RARB: variants seen among roughly 807,000 people sequenced by gnomAD.
RARB encodes retinoic acid receptor beta, also known as HBV-activated protein.
RARB carries 17 observed loss-of-function variants against 51.9 expected under a neutral mutation model. That is an observed-to-expected ratio of 0.33 (90% CI 0.22 to 0.49). The LOEUF is 0.49. RARB is among the 20% of genes least tolerant of loss of function. The pLI is 0.99. For synonymous variants in RARB, 215 were observed against 195.4 expected (o/e 1.10, Z -0.84); for missense variants, 369 against 550.8 (o/e 0.67, Z 3.30).
At chr3:25,150,333 G>A (rs1194636360) in intron 4 of RARB, among the ~76,000 whole-genome samples, 1 of 152,192 alleles carries the variant, frequency 6.6e-6, no homozygotes, top group African/African-American at 2.4e-5. Context: ...GAAGGGACAG[G>A]ATTCCCAAGG....
At chr3:25,181,381 A>T (rs1700856898) in intron 5 of RARB, among the ~76,000 whole-genome samples, 2 of 152,170 alleles carry the variant, frequency 1.3e-5, no homozygotes, top group Non-Finnish European at 1.5e-5. Flanking sequence ...CTGGTGATCT[A>T]ACACATGGGA....
intron 2 of RARB, among the ~76,000 whole-genome samples, chr3:24,872,332 C>T (rs1702962971): frequency 6.6e-6 from 1 of 152,180 alleles, no homozygotes; most frequent in South Asian, 2.1e-4. Context: ...ATGTTCTTAC[C>T]TAATCCACTT....
intron 2 of RARB, among the ~76,000 whole-genome samples, chr3:24,990,926 T>G (rs1367827388): frequency 2.0e-5 from 3 of 152,244 alleles, no homozygotes; most frequent in African/African-American, 7.2e-5. Context: ...ATAAAGGTCT[T>G]GGACATTTTT....
chr3:25,462,134 C>T (rs1462520507), intron 2 of RARB, among the ~76,000 whole-genome samples: 2 of 152,152 alleles, frequency 1.3e-5, no homozygotes, highest in South Asian at 2.1e-4. Flanking sequence ...TAGGGACTTG[C>T]TACTGTATGT....
chr3:25,252,473 A>G (rs2125402560), intron 5 of RARB, among the ~76,000 whole-genome samples: 1 of 152,328 alleles, frequency 6.6e-6, no homozygotes, highest in South Asian at 2.1e-4. Flanking sequence ...CTTCCAGTCC[A>G]TGAACATGGT....
chr3:24,910,277 C>T (rs112573572), intron 2 of RARB, among the ~76,000 whole-genome samples: 5 of 152,104 alleles, frequency 3.3e-5, no homozygotes, highest in South Asian at 2.1e-4. Flanking sequence ...TTTGCCTTTC[C>T]ACCATCCCTT....
Position 25,593,742 on chromosome 3 carries a change from A to C in RARB, c.991+35A>C, listed in dbSNP as rs373844163. ...ATGTAGAAAAGCCTCATGAAATTCC[A>C]TGAAGAACAGTTTATACTTGTAATT... is the stretch of plus-strand genomic sequence containing the variant. On this transcript the variant is annotated intron_variant, in intron 6 of 7. Coordinates refer to ENST00000330688, the MANE Select transcript of RARB (RefSeq NM_000965.5). The C allele has an allele frequency of 3.8e-6, 6 of 1,589,002 alleles. No individual in the cohort carries two copies. In the South Asian group the frequency reaches 4.4e-5, roughly 12 times the overall value.
chr3:24,914,146 C>T (rs1018181580), intron 2 of RARB, among the ~76,000 whole-genome samples: 2 of 152,116 alleles, frequency 1.3e-5, no homozygotes, highest in Non-Finnish European at 2.9e-5. Context: ...ACCATTCCAC[C>T]TTCTATATGC....
Position 25,470,975 on chromosome 3 carries a change from A to G in RARB, c.306+9634A>G, listed in dbSNP as rs564995841. ...ACGTTAATGTATATATGCTTTTATC[A>G]TAAGTTATATCTAATTATACAGTAA... On this transcript the variant is annotated intron_variant, in intron 2 of 7. Transcript: ENST00000330688. Among the ~76,000 whole-genome samples the G allele has an allele frequency of 2.6e-5, 4 of 152,322 alleles. No individual in the cohort carries two copies. The East Asian group carries it at 5.8e-4, about 22-fold the overall frequency.
chr3:25,571,253 A>G (rs1700699552), intron 4 of RARB, among the ~76,000 whole-genome samples: 1 of 152,232 alleles, frequency 6.6e-6, no homozygotes, highest in African/African-American at 2.4e-5. Flanking sequence ...GTACTTTTCA[A>G]AACTCAGCGT....
chr3:25,470,146 TA>T (rs1353011754), intron 2 of RARB, among the ~76,000 whole-genome samples: 1 of 152,126 alleles, frequency 6.6e-6, no homozygotes, highest in Non-Finnish European at 1.5e-5. Flanking sequence ...CTGGTTTGTT[TA>T]AAAATTAGCT....
intron 3 of RARB, among the ~76,000 whole-genome samples, chr3:25,114,008 A>G (rs907682870): frequency 1.3e-5 from 2 of 152,176 alleles, no homozygotes; most frequent in Non-Finnish European, 2.9e-5. Context: ...AGTTTGAGAG[A>G]TTTAAAGATG....
intron 2 of RARB, among the ~76,000 whole-genome samples, chr3:25,483,525 T>G (rs1401777964): frequency 1.6e-5 from 2 of 128,988 alleles, no homozygotes; most frequent in Non-Finnish European, 3.1e-5. Flanking sequence ...ATCATATTTC[T>G]TCTTTTTTTT....
intron 5 of RARB, among the ~76,000 whole-genome samples, chr3:25,269,923 C>G (rs142142144): frequency 4.6e-5 from 7 of 152,150 alleles, no homozygotes; most frequent in African/African-American, 1.4e-4. Flanking sequence ...GCATCACTAA[C>G]AATTAGGGAA....
intron 4 of RARB, among the ~76,000 whole-genome samples, chr3:25,574,619 T>TG (rs377461959): frequency 1.1e-3 from 166 of 152,194 alleles, no homozygotes; most frequent in African/African-American, 3.9e-3. Context: ...CATCACCAGG[T>TG]GGGGCCTGGC....
chr3:24,905,497 G>A (rs191043712), intron 2 of RARB, among the ~76,000 whole-genome samples: 80 of 152,248 alleles, frequency 5.3e-4, no homozygotes, highest in Admixed American at 2.7e-3. Flanking sequence ...TCCTCTCTAC[G>A]GATGTCCACA....
chr3:24,879,747 G>A (rs1703120138), intron 2 of RARB, among the ~76,000 whole-genome samples: 1 of 152,142 alleles, frequency 6.6e-6, no homozygotes, highest in South Asian at 2.1e-4. Context: ...GTAAACCTGT[G>A]TGAGGTCCTG....
chr3:24,915,323 A>G (rs1312965241), intron 2 of RARB, among the ~76,000 whole-genome samples: 1 of 152,238 alleles, frequency 6.6e-6, no homozygotes, highest in Non-Finnish European at 1.5e-5. Context: ...ATTTAACTTC[A>G]TATATTTGAA....
chr3:25,436,985 T>C lies in RARB; in HGVS notation c.157+8097T>C, dbSNP rs551698362. On this transcript the variant is annotated intron_variant, in intron 1 of 7. Transcript: ENST00000330688. ...ATAATAGTGTCTACATTGCAGGATC[T>C]GTAGAAGGATTAGAGATCATGTAAA... Among the ~76,000 whole-genome samples, 6 of 152,282 alleles carry C rather than the reference T, an allele frequency of 3.9e-5. No individual in the cohort carries two copies. The East Asian group carries it at 1.2e-3, about 29-fold the overall frequency.
Sources: allele counts gnomAD v4.1 joint callset (sites outside exome capture counted in the v4.1 genomes callset), GRCh38; gene constraint gnomAD v4.1.1; transcripts MANE v1.5; gene names NCBI Gene and HGNC (gene_info 2026-07-23, HGNC 2026-07-21).